Variants in P2RX3 observed in about 807,000 individuals in gnomAD.
The protein encoded by P2RX3 is P2X purinoceptor 3.
In P2RX3, 41 loss-of-function variants were observed where a neutral mutation model predicts 51.5. The observed-to-expected ratio is 0.80, with a 90% confidence interval of 0.62 to 1.03. The LOEUF is 1.03. Among genes scored for constraint, P2RX3 ranks in the 50% least tolerant of loss-of-function variants. P2RX3 has a pLI of 0.00. For missense variants in P2RX3, 459 were observed against 522.1 expected, an observed-to-expected ratio of 0.88 and a Z score of 1.18; for synonymous variants, 185 against 191.6, an observed-to-expected ratio of 0.97 and a Z score of 0.29.
At chr11:57,357,730 C>G (rs1451819843) in intron 8 of P2RX3, among the ~76,000 whole-genome samples, 1 of 152,108 alleles carries the variant, frequency 6.6e-6, no homozygotes, top group Non-Finnish European at 1.5e-5. Context: ...ATAAGTATGG[C>G]TTTGGGCCCT....
At chr11:57,367,412 A>G (rs1856813194) in intron 8 of P2RX3, among the ~76,000 whole-genome samples, 1 of 152,188 alleles carries the variant, frequency 6.6e-6, no homozygotes, top group South Asian at 2.1e-4. Flanking sequence ...AGAATCACTG[A>G]TGGAAATTAT....
chr11:57,365,333 G>A (rs1431276880), intron 8 of P2RX3, among the ~76,000 whole-genome samples: 3 of 152,236 alleles, frequency 2.0e-5, no homozygotes, highest in Non-Finnish European at 2.9e-5. Context: ...AGCTGCTACC[G>A]CCTAGGCTGG....
At chr11:57,353,950 T>C (rs1296136746) in intron 8 of P2RX3, among the ~76,000 whole-genome samples, 1 of 151,066 alleles carries the variant, frequency 6.6e-6, no homozygotes, top group Non-Finnish European at 1.5e-5. Context: ...GCGGTCACTT[T>C]ACAGATGAGG....
At chr11:57,364,682 G>A (rs939194605) in intron 8 of P2RX3, among the ~76,000 whole-genome samples, 1 of 152,058 alleles carries the variant, frequency 6.6e-6, no homozygotes. Flanking sequence ...CCTCTCTTGT[G>A]TCCATCCTAT....
chr11:57,368,833 C>T (rs1394071608), intron 10 of P2RX3, among the ~76,000 whole-genome samples: 1 of 152,170 alleles, frequency 6.6e-6, no homozygotes, highest in East Asian at 1.9e-4. Context: ...CCACCCCACG[C>T]AGTCCTCTCT....
chr11:57,356,455 T>C (rs569824224), intron 8 of P2RX3, among the ~76,000 whole-genome samples: 12 of 152,344 alleles, frequency 7.9e-5, no homozygotes, highest in Admixed American at 3.9e-4. Context: ...ATTTCCTCTT[T>C]TGGTGTCTGG....
At chr11:57,351,009 C>T in intron 8 of P2RX3, 111 bp downstream of exon 8, 1 of 1,473,550 alleles carries the variant, frequency 6.8e-7, no homozygotes, top group South Asian at 1.3e-5. Flanking sequence ...GGCCCCAAGT[C>T]CCACCTCAGG....
chr11:57,358,356 C>T (rs993770737), intron 8 of P2RX3, among the ~76,000 whole-genome samples: 4 of 152,016 alleles, frequency 2.6e-5, no homozygotes, highest in African/African-American at 4.8e-5. Flanking sequence ...GGCTTTGTGG[C>T]GAATACAGAG....
chr11:57,365,073 C>G (rs1302399028), intron 8 of P2RX3, among the ~76,000 whole-genome samples: 1 of 152,152 alleles, frequency 6.6e-6, no homozygotes, highest in Non-Finnish European at 1.5e-5. Flanking sequence ...TGCTTGTGCC[C>G]ACGCATAGGC....
At chr11:57,367,982 G>A (rs1220814532) in intron 8 of P2RX3, 27 bp from the exon 9 acceptor site, 2 of 1,576,634 alleles carry the variant, frequency 1.3e-6, no homozygotes, top group South Asian at 1.1e-5. Context: ...TCCCACAGAG[G>A]GACCCATCTC....
intron 1 of P2RX3, among the ~76,000 whole-genome samples, chr11:57,345,425 G>T (rs761865549): frequency 2.6e-5 from 4 of 152,122 alleles, no homozygotes; most frequent in Admixed American, 6.5e-5. Context: ...TGTTTACATC[G>T]TATGTTTCTC....
chr11:57,362,158 C>T (rs901544392), intron 8 of P2RX3, among the ~76,000 whole-genome samples: 1 of 152,062 alleles, frequency 6.6e-6, no homozygotes. Context: ...AAAAGGGAGG[C>T]AAGAGGAACA....
At chr11:57,367,754 G>A (rs1590643193) in intron 8 of P2RX3, among the ~76,000 whole-genome samples, 3 of 152,282 alleles carry the variant, frequency 2.0e-5, no homozygotes, top group South Asian at 2.1e-4. Context: ...GCAAGTTCTT[G>A]GGCTGCACCC....
chr11:57,367,497 G>T (rs1856814548), intron 8 of P2RX3, among the ~76,000 whole-genome samples: 1 of 152,266 alleles, frequency 6.6e-6, no homozygotes, highest in South Asian at 2.1e-4. Context: ...GAGGCGGGTG[G>T]ATCACTTGAG....
At chr11:57,337,113 G>A (rs1344756626), upstream of P2RX3, among the ~76,000 whole-genome samples, 3 of 151,858 alleles carry the variant, frequency 2.0e-5, no homozygotes, top group Non-Finnish European at 4.4e-5. Flanking sequence ...CCAACGTGGT[G>A]AAGCCCCGTC....
intron 1 of P2RX3, among the ~76,000 whole-genome samples, chr11:57,344,180 G>C (rs987787376): frequency 1.3e-5 from 2 of 152,212 alleles, no homozygotes; most frequent in African/African-American, 4.8e-5. Flanking sequence ...AGGAGCAATA[G>C]GAAAGCAGGT....
At position 57,369,537 on chromosome 11, in the gene P2RX3, G is replaced by T. The variant is rs936890076; in HGVS notation, c.1080+99G>T. On this transcript the variant is annotated intron_variant, in intron 11 of 11. Coordinates refer to ENST00000263314, the MANE Select transcript of P2RX3 (RefSeq NM_002559.5). ...GCTCCCCTTCTGAGGCCTTCTGAAG[G>T]GGGGTTCACCAGGCCTCAATGAATA... 3.5e-6 allele frequency: 4 copies of T among 1,152,334 alleles called. No individual in the cohort carries two copies. The East Asian group carries it at 7.3e-5, about 21-fold the overall frequency. 71.4% of individuals were successfully genotyped at this position (1,152,334 alleles called of 1,614,324 possible). A position where few individuals can be genotyped will look rare whatever the true frequency, so the allele number is the denominator to read the frequency against.
At chr11:57,368,871 T>G (rs1399272053) in intron 10 of P2RX3, among the ~76,000 whole-genome samples, 1 of 152,130 alleles carries the variant, frequency 6.6e-6, no homozygotes, top group Non-Finnish European at 1.5e-5. Context: ...GGGTCACCCC[T>G]AGGAGCTGGG....
chr11:57,352,202 CTT>C (rs1856559603), intron 8 of P2RX3, among the ~76,000 whole-genome samples: 1 of 151,988 alleles, frequency 6.6e-6, no homozygotes, highest in South Asian at 2.1e-4. Context: ...TAATTTATAA[CTT>C]AAAAAAATAA....
Sources: gnomAD v4.1 joint callset for allele counts (sites outside exome capture counted in the v4.1 genomes callset) on GRCh38, gnomAD v4.1.1 for gene constraint, MANE v1.5 for transcripts, NCBI Gene and HGNC (gene_info 2026-07-23, HGNC 2026-07-21) for gene names.